Variants in JAZF1 observed in about 807,000 individuals in gnomAD.
The protein encoded by JAZF1 is juxtaposed with another zinc finger protein 1.
Under a neutral mutation model 26.4 loss-of-function variants are expected in JAZF1, and 8 were observed. That is an observed-to-expected ratio of 0.30 (90% CI 0.18 to 0.55). JAZF1 has a LOEUF of 0.55. Ranked by LOEUF, JAZF1 falls within the 20% of genes least tolerant of loss-of-function variation. JAZF1 has a pLI of 0.94. For synonymous variants in JAZF1, 126 were observed against 122.3 expected (o/e 1.03, Z -0.20); for missense variants, 199 against 322.0 (o/e 0.62, Z 2.92).
intron 1 of JAZF1, among the ~76,000 whole-genome samples, chr7:28,103,630 A>G (rs556424738): frequency 2.1e-4 from 32 of 152,188 alleles, no homozygotes; most frequent in African/African-American, 6.7e-4. Context: ...GTTCAGGTCA[A>G]CCACTCTGGA....
intron 2 of JAZF1, among the ~76,000 whole-genome samples, chr7:27,933,658 A>C (rs1784720196): frequency 6.6e-6 from 1 of 152,174 alleles, no homozygotes; most frequent in African/African-American, 2.4e-5. Context: ...TTGTGGATAT[A>C]CTGTATTTTT....
intron 2 of JAZF1, among the ~76,000 whole-genome samples, chr7:27,990,985 G>C (rs1302941711): frequency 6.6e-6 from 1 of 152,178 alleles, no homozygotes; most frequent in Non-Finnish European, 1.5e-5. Flanking sequence ...AGAAGAACCT[G>C]AAACTGAACA....
chr7:27,944,760 A>G (rs1459744863), intron 2 of JAZF1, among the ~76,000 whole-genome samples: 1 of 152,172 alleles, frequency 6.6e-6, no homozygotes, highest in Non-Finnish European at 1.5e-5. Flanking sequence ...CGATCTTCCT[A>G]AAAACACATG....
chr7:28,099,701 C>T (rs1001118810), intron 1 of JAZF1, among the ~76,000 whole-genome samples: 7 of 152,204 alleles, frequency 4.6e-5, no homozygotes, highest in Non-Finnish European at 1.0e-4. Flanking sequence ...GTCTCAAACT[C>T]CCGACCTCAG....
chr7:27,857,522 G>A (rs186558393), intron 3 of JAZF1, among the ~76,000 whole-genome samples: 24 of 152,370 alleles, frequency 1.6e-4, no homozygotes, highest in Non-Finnish European at 1.3e-4. Context: ...CTGAGGAGGC[G>A]CCGAGAGCGA....
At chr7:28,105,407 T>C (rs1784535485) in intron 1 of JAZF1, among the ~76,000 whole-genome samples, 1 of 152,202 alleles carries the variant, frequency 6.6e-6, no homozygotes, top group South Asian at 2.1e-4. Context: ...AGGTAATTAA[T>C]CTAATTGAGC....
rs568464148 is a variant in JAZF1, at chr7:28,091,434, C to G, written c.115+89029G>C. ...CCATAACAATTTTCACCACTAAGAA[C>G]ATTCTTAAAATAGTTTAGATTTTTT... On this transcript the variant is annotated intron_variant, in intron 1 of 4. Transcript: ENST00000283928. Among the ~76,000 whole-genome samples the G allele has an allele frequency of 2.7e-3, 403 of 151,906 alleles. 1 individual carries two copies. Among genetic ancestry groups the G allele is most frequent in the Middle Eastern group, 3.4e-3 (1 of 290 alleles).
At chr7:28,021,310 G>C (rs1348606140) in intron 1 of JAZF1, among the ~76,000 whole-genome samples, 1 of 152,092 alleles carries the variant, frequency 6.6e-6, no homozygotes, top group Non-Finnish European at 1.5e-5. Flanking sequence ...CAGGCCTTAG[G>C]AATCAGACAA....
At chr7:27,894,468 G>A (rs1784024976) in intron 3 of JAZF1, among the ~76,000 whole-genome samples, 1 of 152,216 alleles carries the variant, frequency 6.6e-6, no homozygotes, top group Non-Finnish European at 1.5e-5. Flanking sequence ...TTTGAGCAGA[G>A]TTGATCCAAA....
chr7:27,948,712 T>C (rs1213972270), intron 2 of JAZF1, among the ~76,000 whole-genome samples: 1 of 152,210 alleles, frequency 6.6e-6, no homozygotes, highest in Non-Finnish European at 1.5e-5. Context: ...ACCACCTGTA[T>C]TGATAACCTA....
intron 2 of JAZF1, among the ~76,000 whole-genome samples, chr7:27,954,759 CTTA>C (rs144853300): frequency 0.31 from 46,922 of 151,882 alleles, 8,241 homozygotes; most frequent in Non-Finnish European, 0.4. Flanking sequence ...GCGAACAGGA[CTTA>C]TTATTTTTTC....
intron 1 of JAZF1, among the ~76,000 whole-genome samples, chr7:28,140,660 C>T (rs1371791752): frequency 6.6e-6 from 1 of 152,124 alleles, no homozygotes; most frequent in Non-Finnish European, 1.5e-5. Context: ...AACATTTTCA[C>T]ATCATAGCAC....
intron 3 of JAZF1, among the ~76,000 whole-genome samples, chr7:27,855,479 T>C (rs761385422): frequency 6.6e-6 from 1 of 151,312 alleles, no homozygotes; most frequent in Non-Finnish European, 1.5e-5. Context: ...GCCAAACTAA[T>C]AAGAAAAGAG....
intron 2 of JAZF1, among the ~76,000 whole-genome samples, chr7:27,928,630 C>T (rs901208533): frequency 6.6e-6 from 1 of 152,208 alleles, no homozygotes; most frequent in African/African-American, 2.4e-5. Flanking sequence ...AGCCTTCTAA[C>T]AGAGCAAGCA....
chr7:27,847,110 T>C (rs1783044938), intron 3 of JAZF1, among the ~76,000 whole-genome samples: 1 of 151,484 alleles, frequency 6.6e-6, no homozygotes, highest in South Asian at 2.1e-4. Flanking sequence ...ATTATAGGCA[T>C]GTACCACCAC....
intron 1 of JAZF1, among the ~76,000 whole-genome samples, chr7:28,179,576 C>T (rs1783602065): frequency 6.6e-6 from 1 of 151,476 alleles, no homozygotes; most frequent in Non-Finnish European, 1.5e-5. Context: ...GGTGTCTCTC[C>T]AGCGGGCGCC....
chr7:28,084,736 C>T (rs113988271), intron 1 of JAZF1, among the ~76,000 whole-genome samples: 1 of 152,310 alleles, frequency 6.6e-6, no homozygotes, highest in African/African-American at 2.4e-5. Flanking sequence ...GGCAGGCTCC[C>T]TCTCTCTTCA....
intron 2 of JAZF1, among the ~76,000 whole-genome samples, chr7:27,950,315 C>T (rs1471065900): frequency 1.3e-5 from 2 of 152,206 alleles, no homozygotes; most frequent in Admixed American, 6.5e-5. Flanking sequence ...CAGTTGACAG[C>T]GAATCACTTG....
intron 1 of JAZF1, among the ~76,000 whole-genome samples, chr7:28,004,483 C>T (rs1222275733): frequency 6.6e-6 from 1 of 151,988 alleles, no homozygotes; most frequent in Admixed American, 6.6e-5. Flanking sequence ...CTATTACAGA[C>T]TCTGAGAAGG....
Sources: gnomAD v4.1 joint callset for allele counts (sites outside exome capture counted in the v4.1 genomes callset) on GRCh38, gnomAD v4.1.1 for gene constraint, MANE v1.5 for transcripts, NCBI Gene and HGNC (gene_info 2026-07-23, HGNC 2026-07-21) for gene names.